The following MARCHF1 variants were observed in gnomAD, a reference collection of about 807,000 sequenced individuals.
MARCHF1 encodes the protein E3 ubiquitin-protein ligase MARCHF1.
MARCHF1 carries 40 observed loss-of-function variants against 54.2 expected under a neutral mutation model. That is an observed-to-expected ratio of 0.74 (90% CI 0.57 to 0.96). MARCHF1 has a LOEUF of 0.96. Ranked by LOEUF, MARCHF1 falls within the 40% of genes least tolerant of loss-of-function variation. The pLI is 0.00. For missense variants in MARCHF1, 586 were observed against 656.5 expected (o/e 0.89, Z 1.17); for synonymous variants, 236 against 236.3 (o/e 1.00, Z 0.01).
chr4:163,909,786 A>T (rs970611015), intron 3 of MARCHF1, among the ~76,000 whole-genome samples: 1 of 152,192 alleles, frequency 6.6e-6, no homozygotes, highest in African/African-American at 2.4e-5. Context: ...TTTATCAATC[A>T]TTAGAAAACA....
At chr4:164,022,558 A>C (rs1753687749) in intron 2 of MARCHF1, among the ~76,000 whole-genome samples, 1 of 152,238 alleles carries the variant, frequency 6.6e-6, no homozygotes, top group Non-Finnish European at 1.5e-5. Flanking sequence ...CTGGGATCCT[A>C]GCTAAAGGTC....
At chr4:164,186,867 G>A (rs1227146353) in intron 1 of MARCHF1, among the ~76,000 whole-genome samples, 1 of 152,206 alleles carries the variant, frequency 6.6e-6, no homozygotes, top group Non-Finnish European at 1.5e-5. Flanking sequence ...CCCAAAATTA[G>A]AGAGGAATGT....
At chr4:163,620,604 CACAGAGAGAGAGAGAGAGAG>C (rs1256838852) in intron 5 of MARCHF1, among the ~76,000 whole-genome samples, 6 of 49,712 alleles carry the variant, frequency 1.2e-4, no homozygotes, top group African/African-American at 2.4e-4. Flanking sequence ...CACACACACA[CACAGAGAGAGAGAGAGAGAG>C]AGAGAGAGAG....
chr4:163,733,177 GTA>G (rs1169850987), intron 4 of MARCHF1, among the ~76,000 whole-genome samples: 268 of 17,472 alleles, frequency 0.015, 6 homozygotes, highest in African/African-American at 0.033. Context: ...CTGTATGTGT[GTA>G]TATATATATA....
chr4:163,795,150 C>G (rs1747877789), intron 4 of MARCHF1, among the ~76,000 whole-genome samples: 1 of 152,176 alleles, frequency 6.6e-6, no homozygotes, highest in Non-Finnish European at 1.5e-5. Flanking sequence ...CTTTCAGTGT[C>G]TTTCAACACA....
intron 2 of MARCHF1, among the ~76,000 whole-genome samples, chr4:163,996,325 C>T (rs1753075566): frequency 1.3e-5 from 2 of 151,994 alleles, no homozygotes; most frequent in Admixed American, 1.3e-4. Flanking sequence ...ATTCTTCTTT[C>T]TATATCTGGT....
intron 1 of MARCHF1, among the ~76,000 whole-genome samples, chr4:164,223,630 C>A (rs1010551955): frequency 1.3e-5 from 2 of 151,834 alleles, no homozygotes; most frequent in Admixed American, 6.6e-5. Flanking sequence ...TGCCTTCATG[C>A]GCTATTGGAT....
intron 4 of MARCHF1, among the ~76,000 whole-genome samples, chr4:163,789,683 C>G (rs1747719556): frequency 6.6e-6 from 1 of 151,816 alleles, no homozygotes; most frequent in Non-Finnish European, 1.5e-5. Context: ...TTGATACATG[C>G]CTATGAAAAA....
chr4:163,949,895 C>G (rs1424360459), intron 3 of MARCHF1, among the ~76,000 whole-genome samples: 1 of 152,152 alleles, frequency 6.6e-6, no homozygotes, highest in African/African-American at 2.4e-5. Flanking sequence ...CTGTCCTCTG[C>G]TCAGCTCTCA....
intron 3 of MARCHF1, among the ~76,000 whole-genome samples, chr4:163,971,548 A>C (rs929817195): frequency 5.9e-5 from 9 of 152,232 alleles, no homozygotes; most frequent in Admixed American, 2.6e-4. Context: ...TGGAAAGACT[A>C]AGGTGGGAAT....
At chr4:164,285,660 T>C (rs1734127373) in intron 1 of MARCHF1, among the ~76,000 whole-genome samples, 1 of 151,594 alleles carries the variant, frequency 6.6e-6, no homozygotes, top group East Asian at 1.9e-4. Context: ...GCCAGGACAG[T>C]CTCGATCTCC....
intron 1 of MARCHF1, among the ~76,000 whole-genome samples, chr4:164,276,162 C>G (rs1733875604): frequency 6.6e-6 from 1 of 152,054 alleles, no homozygotes; most frequent in Admixed American, 6.6e-5. Flanking sequence ...GTTCCTCCTC[C>G]AAAATGGAAT....
chr4:164,326,997 GTGTA>G (rs1229920697), intron 1 of MARCHF1, among the ~76,000 whole-genome samples: 4 of 149,206 alleles, frequency 2.7e-5, no homozygotes, highest in African/African-American at 1.0e-4. Flanking sequence ...GTGTGTGTGT[GTGTA>G]TGACTTAGAA....
At chr4:163,632,116 A>G (rs997380172) in intron 5 of MARCHF1, among the ~76,000 whole-genome samples, 1 of 152,236 alleles carries the variant, frequency 6.6e-6, no homozygotes, top group African/African-American at 2.4e-5. Flanking sequence ...GAGAAATTGG[A>G]ACCCTTGTGC....
intron 1 of MARCHF1, among the ~76,000 whole-genome samples, chr4:164,323,425 A>G (rs115640220): frequency 0.017 from 2,604 of 151,678 alleles, 65 homozygotes; most frequent in African/African-American, 0.059. Flanking sequence ...CTTTTAAAAT[A>G]GTCCTCATAA....
At chr4:164,104,792 A>C (rs1402645229) in intron 2 of MARCHF1, among the ~76,000 whole-genome samples, 2 of 36,678 alleles carry the variant, frequency 5.5e-5, no homozygotes, top group African/African-American at 1.3e-4. Flanking sequence ...AAGGAAATAA[A>C]GGGTATTCAA....
At chr4:164,240,096 T>C (rs1014464640) in intron 1 of MARCHF1, among the ~76,000 whole-genome samples, 1 of 152,136 alleles carries the variant, frequency 6.6e-6, no homozygotes, top group East Asian at 1.9e-4. Flanking sequence ...CATCTCAAGA[T>C]CTGTATGACT....
chr4:163,748,378 G>A (rs1270118823), intron 4 of MARCHF1, among the ~76,000 whole-genome samples: 2 of 142,636 alleles, frequency 1.4e-5, no homozygotes, highest in Admixed American at 7.2e-5. Context: ...TTTTATATAT[G>A]TTTTAGAATC....
chr4:163,620,722 C>CATCTT (rs1741667302), intron 5 of MARCHF1, among the ~76,000 whole-genome samples: 2 of 151,638 alleles, frequency 1.3e-5, no homozygotes, highest in South Asian at 4.2e-4. Flanking sequence ...TATACAGTGT[C>CATCTT]ATCTTGTTAG....
Sources: allele counts gnomAD v4.1 joint callset (sites outside exome capture counted in the v4.1 genomes callset), GRCh38; gene constraint gnomAD v4.1.1; transcripts MANE v1.5; gene names NCBI Gene and HGNC (gene_info 2026-07-23, HGNC 2026-07-21).